The following DAB1 variants were observed in gnomAD, a reference collection of about 807,000 sequenced individuals.
The protein encoded by DAB1 is DAB adaptor protein 1.
DAB1 carries 15 observed loss-of-function variants against 64.6 expected under a neutral mutation model. The ratio of observed to expected loss-of-function variants is 0.23; its 90% CI spans 0.16 to 0.36. The LOEUF (loss-of-function observed/expected upper bound fraction) is 0.36, where lower values mean the gene tolerates loss of function less well. Among genes scored for constraint, DAB1 ranks in the 10% least tolerant of loss-of-function variants. The pLI, the probability that DAB1 is intolerant of heterozygous loss-of-function variation, is 1.00. For missense variants in DAB1, 596 were observed against 706.7 expected (o/e 0.84, Z 1.78); for synonymous variants, 235 against 251.9 (o/e 0.93, Z 0.64).
At chr1:58,070,956 T>A (rs1030842152) in intron 5 of DAB1, among the ~76,000 whole-genome samples, 1 of 152,072 alleles carries the variant, frequency 6.6e-6, no homozygotes, top group African/African-American at 2.4e-5. Flanking sequence ...AGTTCACAAG[T>A]TTCCCCTGGA....
intron 5 of DAB1, chr1:58,056,441 C>T: frequency 6.5e-7 from 1 of 1,536,400 alleles, no homozygotes; most frequent in South Asian, 1.1e-5. Flanking sequence ...TGGCCGCGGC[C>T]CTTTTTGGCA....
At chr1:57,371,994 G>T (rs1044211062) in intron 1 of DAB1, among the ~76,000 whole-genome samples, 1 of 152,128 alleles carries the variant, frequency 6.6e-6, no homozygotes, top group African/African-American at 2.4e-5. Context: ...AGGTATGTTT[G>T]ACTATTTTTA....
At chr1:57,034,153 G>A (rs1423325217) in intron 9 of DAB1, among the ~76,000 whole-genome samples, 4 of 151,854 alleles carry the variant, frequency 2.6e-5, no homozygotes, top group Admixed American at 6.6e-5. Context: ...GATGGCAGGC[G>A]CCTGTAATCC....
chr1:58,515,378 TC>T (rs1646143800), intron 2 of DAB1, among the ~76,000 whole-genome samples: 1 of 152,196 alleles, frequency 6.6e-6, no homozygotes, highest in Non-Finnish European at 1.5e-5. Context: ...ATTTTCTGCA[TC>T]TTTTGATTGC....
intron 1 of DAB1, among the ~76,000 whole-genome samples, chr1:57,310,549 G>T (rs1045474155): frequency 6.6e-6 from 1 of 152,116 alleles, no homozygotes; most frequent in African/African-American, 2.4e-5. Context: ...GTAAGCAATT[G>T]TGCCCAGAAG....
chr1:58,343,326 C>A (rs144100883), intron 4 of DAB1: 1 of 152,096 alleles, frequency 6.6e-6, no homozygotes, highest in East Asian at 1.9e-4. Flanking sequence ...GAAATGTGTG[C>A]ACTCTAGGTA....
intron 1 of DAB1, among the ~76,000 whole-genome samples, chr1:57,854,468 T>C (rs1653668126): frequency 6.6e-6 from 1 of 152,194 alleles, no homozygotes; most frequent in Non-Finnish European, 1.5e-5. Context: ...ACACACTTTT[T>C]GAATGATCCT....
At chr1:57,069,300 A>G in intron 8 of DAB1, 60 bp downstream of exon 8, 4 of 1,334,956 alleles carry the variant, frequency 3.0e-6, no homozygotes, top group Non-Finnish European at 4.3e-6. Context: ...TTAGACTATC[A>G]GTACATTTAT....
intron 6 of DAB1, among the ~76,000 whole-genome samples, chr1:57,728,049 C>T (rs532113739): frequency 1.3e-5 from 2 of 152,186 alleles, no homozygotes; most frequent in Non-Finnish European, 2.9e-5. Flanking sequence ...AACTGTTTGT[C>T]CAGGGACTTC....
At chr1:57,740,162 C>T (rs1265092061) in intron 6 of DAB1, among the ~76,000 whole-genome samples, 4 of 151,882 alleles carry the variant, frequency 2.6e-5, no homozygotes, top group South Asian at 2.1e-4. Flanking sequence ...TGCAATGAGC[C>T]GAGATTATGC....
chr1:58,404,998 A>G (rs1644602965), intron 3 of DAB1, among the ~76,000 whole-genome samples: 1 of 152,092 alleles, frequency 6.6e-6, no homozygotes, highest in African/African-American at 2.4e-5. Flanking sequence ...GAGCATCCTA[A>G]TCCCCTGTGG....
At position 58,300,668 on chromosome 1, in the gene DAB1, GGA is replaced by G. The variant is rs1557726418; in HGVS notation, n.309+42682_309+42683del. ...AGAGAGGAAGGAAGGAAGGAAGGAA[GGA>G]AGGAAGGAAGGAAGGAAGGAAGGAA... On this transcript the variant is annotated intron_variant and non_coding_transcript_variant, in intron 4 of 20. Coordinates refer to the DAB1 transcript ENST00000485760. 3.7e-4 allele frequency among the ~76,000 whole-genome samples: 49 copies of G among 132,654 alleles called. 1 individual carries two copies. The highest frequency in any genetic ancestry group is 1.2e-3 in the African/African-American group (41 of 32,946). The allele number at this position is 132,654 out of a possible 152,430, so 87.0% of individuals were successfully genotyped here.
intron 5 of DAB1, among the ~76,000 whole-genome samples, chr1:58,022,141 G>A (rs1646823841): frequency 6.6e-6 from 1 of 152,066 alleles, no homozygotes; most frequent in African/African-American, 2.4e-5. Flanking sequence ...CAAAGCACCA[G>A]GTACCTTGAG....
chr1:58,310,062 A>G (rs193028670), intron 4 of DAB1, among the ~76,000 whole-genome samples: 1 of 152,304 alleles, frequency 6.6e-6, no homozygotes, highest in Non-Finnish European at 1.5e-5. Flanking sequence ...TCAAGTGACT[A>G]CTTGGCTGAT....
At chr1:57,252,276 T>C (rs1006690070) in intron 2 of DAB1, among the ~76,000 whole-genome samples, 1 of 152,144 alleles carries the variant, frequency 6.6e-6, no homozygotes, top group Non-Finnish European at 1.5e-5. Context: ...GTGGATGAAA[T>C]TTCAGCTACA....
intron 1 of DAB1, among the ~76,000 whole-genome samples, chr1:57,324,785 A>C (rs1467096248): frequency 1.3e-5 from 2 of 151,058 alleles, no homozygotes; most frequent in African/African-American, 4.9e-5. Flanking sequence ...GCTGCCTAGC[A>C]CTCTCCATTT....
intron 7 of DAB1, among the ~76,000 whole-genome samples, chr1:57,553,452 GAA>G (rs1411736076): frequency 6.2e-5 from 8 of 128,870 alleles, no homozygotes; most frequent in African/African-American, 2.4e-4. Flanking sequence ...GAGAAAGAAA[GAA>G]AGAAAGAGAA....
At chr1:57,222,731 A>G (rs998556406) in intron 2 of DAB1, among the ~76,000 whole-genome samples, 1 of 152,140 alleles carries the variant, frequency 6.6e-6, no homozygotes, top group East Asian at 1.9e-4. Context: ...CACGAGACCC[A>G]TTGTCATAGG....
At chr1:57,813,053 A>G (rs1651701457) in intron 6 of DAB1, among the ~76,000 whole-genome samples, 1 of 152,242 alleles carries the variant, frequency 6.6e-6, no homozygotes, top group Non-Finnish European at 1.5e-5. Flanking sequence ...ATAAGAATAT[A>G]CACACTTAAA....
Sources: allele counts gnomAD v4.1 joint callset (sites outside exome capture counted in the v4.1 genomes callset), GRCh38; gene constraint gnomAD v4.1.1; transcripts MANE v1.5; gene names NCBI Gene and HGNC (gene_info 2026-07-23, HGNC 2026-07-21).